Variants in TDRD9 observed in about 807,000 individuals in gnomAD.
The protein encoded by TDRD9 is tudor domain containing 9.
TDRD9 carries 124 observed loss-of-function variants against 172.6 expected under a neutral mutation model. The ratio of observed to expected loss-of-function variants is 0.72; its 90% CI spans 0.62 to 0.83. TDRD9 has a LOEUF of 0.83. TDRD9 is among the 40% of genes least tolerant of loss of function. TDRD9 has a pLI of 0.00. For missense variants in TDRD9, 1,479 were observed against 1,714.1 expected (o/e 0.86, Z 2.42); for synonymous variants, 619 against 617.1 (o/e 1.00, Z -0.05).
chr14:104,051,723 A>C (rs2035939972), intron 35 of TDRD9, among the ~76,000 whole-genome samples: 2 of 152,062 alleles, frequency 1.3e-5, no homozygotes, highest in Admixed American at 1.3e-4. Flanking sequence ...AGCATTTTTA[A>C]ATGTTTTTGG....
Position 103,965,481 on chromosome 14 carries a change from T to C in TDRD9, c.569T>C (p.Ile190Thr), listed in dbSNP as rs1380325477. 1.9e-5 allele frequency: 29 copies of C among 1,548,700 alleles called. No individual in the cohort carries two copies. In the South Asian group the frequency reaches 3.3e-4, roughly 18 times the overall value. ...ATTGTGGTCACCCAGCCCCGGAAGA[T>C]AGGGGCAAGCAGCATCGCCAGGTGG... is the stretch of plus-strand genomic sequence containing the variant. ...CSIVVTQPRKIGASSIARWIS... is the reference protein window; with the variant it reads ...CSIVVTQPRKTGASSIARWIS... Residue 190 changes from isoleucine to threonine, a missense_variant, in exon 4 of 36, where the codon ATA becomes ACA. Coordinates refer to ENST00000409874, the MANE Select transcript of TDRD9 (RefSeq NM_153046.3).
chr14:103,941,431 C>CT, intron 1 of TDRD9: 3 of 1,535,304 alleles, frequency 2.0e-6, no homozygotes, highest in Non-Finnish European at 2.6e-6. Context: ...CAAGGTTGAA[C>CT]TTGTGAGCAA....
intron 2 of TDRD9, among the ~76,000 whole-genome samples, chr14:103,962,695 C>T (rs1044470964): frequency 6.6e-6 from 1 of 151,964 alleles, no homozygotes; most frequent in Non-Finnish European, 1.5e-5. Context: ...TTCGTGTGTA[C>T]CCAAGGTTTA....
At chr14:103,940,270 T>G (rs1235042333) in intron 1 of TDRD9, among the ~76,000 whole-genome samples, 1 of 152,190 alleles carries the variant, frequency 6.6e-6, no homozygotes, top group Non-Finnish European at 1.5e-5. Flanking sequence ...AAAAGTACTG[T>G]GATTAAAACC....
chr14:104,021,767 G>C (rs2034963122), intron 23 of TDRD9, among the ~76,000 whole-genome samples: 1 of 152,120 alleles, frequency 6.6e-6, no homozygotes, highest in East Asian at 1.9e-4. Flanking sequence ...ATATACATTT[G>C]TGTGGTTTTC....
At chr14:103,981,273 A>G (rs1472527517) in intron 7 of TDRD9, among the ~76,000 whole-genome samples, 3 of 152,146 alleles carry the variant, frequency 2.0e-5, no homozygotes, top group Non-Finnish European at 2.9e-5. Flanking sequence ...GCTGAAGTCT[A>G]ATTAATTCCT....
At chr14:104,009,947 C>CTTT (rs553694826) in intron 20 of TDRD9, among the ~76,000 whole-genome samples, 1 of 135,224 alleles carries the variant, frequency 7.4e-6, no homozygotes, top group East Asian at 2.1e-4. Context: ...TTCTTTCTTT[C>CTTT]TTTTTTTTTT....
chr14:103,935,125 A>G (rs1159011503), intron 1 of TDRD9, among the ~76,000 whole-genome samples: 3 of 152,178 alleles, frequency 2.0e-5, no homozygotes, highest in Non-Finnish European at 1.5e-5. Context: ...TAGCTGGCCT[A>G]TCCTGCAGAT....
At chr14:103,956,134 ATATATATATATATAT>A (rs1206830425) in intron 2 of TDRD9, among the ~76,000 whole-genome samples, 5 of 107,976 alleles carry the variant, frequency 4.6e-5, no homozygotes, top group African/African-American at 2.1e-4. Flanking sequence ...ATATATATAT[ATATATATATATATAT>A]AATTATTAGG....
chr14:104,036,149 A>G (rs2035445317), intron 32 of TDRD9, among the ~76,000 whole-genome samples: 1 of 152,136 alleles, frequency 6.6e-6, no homozygotes, highest in South Asian at 2.1e-4. Flanking sequence ...TTCTTGTTAT[A>G]CTGTATTCTT....
In TDRD9 at chr14:104,008,462, G is replaced by T. The variant is rs1429652723; in HGVS notation, c.2102G>T (p.Arg701Ile). Residue 701 changes from arginine (R) to isoleucine (I), a missense_variant, in exon 20 of 36, where the codon AGA becomes ATA. Coordinates refer to ENST00000409874, the MANE Select transcript of TDRD9 (RefSeq NM_153046.3). ...RLNYIQIKRIREVAELYEELK... is the reference protein window; with the variant it reads ...RLNYIQIKRIIEVAELYEELK... Reference sequence around the variant, plus strand: ...AATTACATTCAAATCAAGAGAATTAGAGAGGTAAGTTAAGTTTTTTGACCA... The same window carrying T: ...AATTACATTCAAATCAAGAGAATTATAGAGGTAAGTTAAGTTTTTTGACCA... 1 of 1,562,706 alleles carries T rather than the reference G, an allele frequency of 6.4e-7. No individual in the cohort carries two copies. The highest frequency in any genetic ancestry group is 1.4e-5 in the African/African-American group (1 of 74,002).
intron 30 of TDRD9, among the ~76,000 whole-genome samples, chr14:104,033,654 G>A (rs999501799): frequency 1.3e-5 from 2 of 152,144 alleles, no homozygotes; most frequent in Non-Finnish European, 2.9e-5. Context: ...AGGACAGAGG[G>A]TCTCGAGTGG....
At chr14:104,025,496 C>A in intron 25 of TDRD9, 68 bp from the exon 26 acceptor site, 1 of 1,255,302 alleles carries the variant, frequency 8.0e-7, no homozygotes, top group South Asian at 1.3e-5. Flanking sequence ...CCCTATGATT[C>A]AAGCTCATTT....
intron 2 of TDRD9, among the ~76,000 whole-genome samples, chr14:103,956,929 G>T (rs1461715583): frequency 1.3e-5 from 2 of 152,136 alleles, no homozygotes; most frequent in Non-Finnish European, 2.9e-5. Flanking sequence ...TGCTAGTTCA[G>T]TTGAGAAGCT....
At chr14:104,042,663 A>G (rs1033413940) in intron 34 of TDRD9, among the ~76,000 whole-genome samples, 1 of 152,220 alleles carries the variant, frequency 6.6e-6, no homozygotes, top group African/African-American at 2.4e-5. Context: ...GGTGTAGCCC[A>G]TGAGCCCAAG....
intron 2 of TDRD9, among the ~76,000 whole-genome samples, chr14:103,961,419 C>A (rs968114194): frequency 2.6e-5 from 4 of 151,788 alleles, no homozygotes; most frequent in African/African-American, 9.7e-5. Context: ...AAAAATTAGC[C>A]GGGTGTGGTG....
intron 24 of TDRD9, 98 bp downstream of exon 24, chr14:104,022,428 T>C: frequency 7.7e-7 from 1 of 1,299,510 alleles, no homozygotes. Flanking sequence ...CTTCAGATCA[T>C]GGTAAAAGCA....
chr14:104,037,607 G>A (rs2035489784), intron 32 of TDRD9, among the ~76,000 whole-genome samples: 1 of 152,238 alleles, frequency 6.6e-6, no homozygotes, highest in African/African-American at 2.4e-5. Context: ...GGAGATATGT[G>A]TTATGCCCCA....
intron 1 of TDRD9, chr14:103,941,969 C>T (rs184192388): frequency 5.1e-5 from 19 of 373,122 alleles, no homozygotes; most frequent in African/African-American, 3.4e-4. Context: ...GAATGATATC[C>T]GAAAATAACA....
Sources: gnomAD v4.1 joint callset for allele counts (sites outside exome capture counted in the v4.1 genomes callset) on GRCh38, gnomAD v4.1.1 for gene constraint, MANE v1.5 for transcripts, NCBI Gene and HGNC (gene_info 2026-07-23, HGNC 2026-07-21) for gene names.